PARD3: variants seen among roughly 807,000 people sequenced by gnomAD.
PARD3 encodes the protein par-3 family cell polarity regulator, also known as partitioning defective 3 homolog.
In PARD3, 75 loss-of-function variants were observed where a neutral mutation model predicts 155.4. That is an observed-to-expected ratio of 0.48 (90% confidence interval 0.40 to 0.58). The LOEUF (loss-of-function observed/expected upper bound fraction) is 0.58. PARD3 is among the 20% of genes least tolerant of loss of function. The pLI is 0.00. For missense variants in PARD3, 1,642 were observed against 1,721.7 expected, an observed-to-expected ratio of 0.95 and a Z score of 0.82; for synonymous variants, 576 against 610.5, an observed-to-expected ratio of 0.94 and a Z score of 0.83.
At chr10:34,661,382 T>C (rs2093322530) in intron 2 of PARD3, among the ~76,000 whole-genome samples, 1 of 152,168 alleles carries the variant, frequency 6.6e-6, no homozygotes, top group Admixed American at 6.5e-5. Context: ...CTCGGGACAT[T>C]TATACAGTGC....
At chr10:34,270,353 G>A (rs747022923) in intron 21 of PARD3, among the ~76,000 whole-genome samples, 2 of 152,056 alleles carry the variant, frequency 1.3e-5, no homozygotes, top group African/African-American at 2.4e-5. Flanking sequence ...ATGTTGGCCA[G>A]ACTGGTCTCA....
chr10:34,633,711 C>T (rs1360464693), intron 2 of PARD3, among the ~76,000 whole-genome samples: 2 of 152,190 alleles, frequency 1.3e-5, no homozygotes, highest in East Asian at 3.8e-4. Context: ...GATTGCTGGA[C>T]CATATGGTAA....
rs776264317 is a variant in PARD3, at chr10:34,284,234, T to C, written c.3077A>G (p.His1026Arg). 1.9e-6 allele frequency: 3 copies of C among 1,605,664 alleles called. No individual in the cohort carries two copies. Among genetic ancestry groups the C allele is most frequent in the Middle Eastern group, 1.7e-4 (1 of 6,058 alleles). ...TTTCTCAATCTTGTCATCTTTTCGA[T>C]GTTTGCCAAACCTGTTAATAACAAA... is the stretch of plus-strand genomic sequence containing the variant. ...GLGDMFRFGK[H>R]RKDDKIEKTG... Residue 1026 changes from histidine (H) to arginine (R), a missense_variant, in exon 21 of 25, where the codon CAT becomes CGT. His to Arg is a conservative substitution (Grantham distance 29, BLOSUM62 0). Coordinates refer to ENST00000374788, the MANE Select transcript of PARD3 (RefSeq NM_001184785.2).
At chr10:34,367,263 C>A (rs779707055) in intron 12 of PARD3, among the ~76,000 whole-genome samples, 3 of 152,154 alleles carry the variant, frequency 2.0e-5, no homozygotes, top group Non-Finnish European at 4.4e-5. Context: ...CATACATGAT[C>A]CTGAATTGGA....
intron 22 of PARD3, among the ~76,000 whole-genome samples, chr10:34,230,152 T>C (rs567306223): frequency 5.9e-5 from 9 of 152,196 alleles, no homozygotes; most frequent in South Asian, 4.1e-4. Flanking sequence ...ATTTAATACA[T>C]TGAGCAACCA....
intron 2 of PARD3, among the ~76,000 whole-genome samples, chr10:34,674,108 G>A (rs1374053316): frequency 6.6e-6 from 1 of 151,534 alleles, no homozygotes; most frequent in African/African-American, 2.4e-5. Context: ...ATTTTTTGAT[G>A]AACAGTTCTG....
chr10:34,337,512 G>A, intron 16 of PARD3, 86 bp from the exon 17 acceptor site: 1 of 675,342 alleles, frequency 1.5e-6, no homozygotes, highest in Non-Finnish European at 2.2e-6. Flanking sequence ...ACCTGCAAGT[G>A]TAAATATACA....
intron 21 of PARD3, among the ~76,000 whole-genome samples, chr10:34,278,878 T>C (rs963326525): frequency 4.6e-5 from 7 of 152,168 alleles, no homozygotes; most frequent in African/African-American, 1.7e-4. Context: ...AACACTAGAA[T>C]AATATTTCCC....
At chr10:34,627,421 G>A (rs1360404106) in intron 2 of PARD3, among the ~76,000 whole-genome samples, 1 of 152,178 alleles carries the variant, frequency 6.6e-6, no homozygotes, top group African/African-American at 2.4e-5. Context: ...GACCTTACTT[G>A]GAGATCGGAT....
At chr10:34,145,217 A>ATTTTTTTTTT (rs1387505653) in intron 22 of PARD3, among the ~76,000 whole-genome samples, 5 of 57,948 alleles carry the variant, frequency 8.6e-5, no homozygotes, top group African/African-American at 1.9e-4. Context: ...ATATATATAT[A>ATTTTTTTTTT]TATATTTTTT....
intron 22 of PARD3, among the ~76,000 whole-genome samples, chr10:34,136,845 CT>C (rs1466408930): frequency 6.6e-6 from 1 of 152,190 alleles, no homozygotes; most frequent in African/African-American, 2.4e-5. Flanking sequence ...TAATTGTCCC[CT>C]GACCCAAATA....
At chr10:34,198,176 T>C (rs921106171) in intron 22 of PARD3, among the ~76,000 whole-genome samples, 1 of 152,334 alleles carries the variant, frequency 6.6e-6, no homozygotes, top group East Asian at 1.9e-4. Context: ...AAATAGATAC[T>C]TTCTAGCCAA....
chr10:34,290,537 T>C (rs1275115447), intron 20 of PARD3, among the ~76,000 whole-genome samples: 2 of 152,176 alleles, frequency 1.3e-5, no homozygotes, highest in African/African-American at 2.4e-5. Flanking sequence ...ATGAGTTCAA[T>C]GTCAGCTACC....
At chr10:34,323,751 T>C (rs1958517359) in intron 19 of PARD3, among the ~76,000 whole-genome samples, 1 of 152,206 alleles carries the variant, frequency 6.6e-6, no homozygotes, top group Admixed American at 6.5e-5. Context: ...GAATGTCACC[T>C]CCATTATCCC....
chr10:34,758,676 G>A (rs937751485), intron 1 of PARD3, among the ~76,000 whole-genome samples: 3 of 152,126 alleles, frequency 2.0e-5, no homozygotes, highest in Non-Finnish European at 4.4e-5. Context: ...TTTAATCCTG[G>A]AAGCACTGAG....
intron 2 of PARD3, among the ~76,000 whole-genome samples, chr10:34,625,109 C>T (rs2091915168): frequency 1.3e-5 from 2 of 152,174 alleles, no homozygotes; most frequent in African/African-American, 4.8e-5. Context: ...TAACAGTCCC[C>T]AATGTTGTCA....
intron 1 of PARD3, among the ~76,000 whole-genome samples, chr10:34,727,727 A>G (rs2094740464): frequency 6.6e-6 from 1 of 152,080 alleles, no homozygotes; most frequent in South Asian, 2.1e-4. Context: ...ACATTCCTCC[A>G]GCCCTGTTAC....
At chr10:34,742,574 T>C (rs761935397) in intron 1 of PARD3, among the ~76,000 whole-genome samples, 2 of 152,166 alleles carry the variant, frequency 1.3e-5, no homozygotes, top group African/African-American at 2.4e-5. Flanking sequence ...ATAAGATCAA[T>C]GGCAATTACT....
At chr10:34,773,467 A>G (rs912671578) in intron 1 of PARD3, among the ~76,000 whole-genome samples, 2 of 152,186 alleles carry the variant, frequency 1.3e-5, no homozygotes, top group African/African-American at 4.8e-5. Flanking sequence ...TCAGTTCCCT[A>G]GGGATAACAA....
Sources: allele counts gnomAD v4.1 joint callset (sites outside exome capture counted in the v4.1 genomes callset), GRCh38; gene constraint gnomAD v4.1.1; transcripts MANE v1.5; gene names NCBI Gene and HGNC (gene_info 2026-07-23, HGNC 2026-07-21).